The following MAPRE2 variants were observed in gnomAD, a reference collection of about 807,000 sequenced individuals.
MAPRE2 encodes the protein microtubule-associated protein RP/EB family member 2.
A neutral mutation model predicts 43.2 loss-of-function variants in MAPRE2; 13 were observed. The observed-to-expected ratio is 0.30, with a 90% confidence interval of 0.20 to 0.48. The LOEUF is 0.48. MAPRE2 is among the 20% of genes least tolerant of loss of function. MAPRE2 has a pLI of 0.99. For synonymous variants in MAPRE2, 135 were observed against 148.8 expected, an observed-to-expected ratio of 0.91 and a Z score of 0.68; for missense variants, 161 against 400.2, an observed-to-expected ratio of 0.40 and a Z score of 5.10.
chr18:34,978,733 T>C (rs1196983593), intron 1 of MAPRE2, among the ~76,000 whole-genome samples: 2 of 152,088 alleles, frequency 1.3e-5, no homozygotes, highest in African/African-American at 4.8e-5. Flanking sequence ...AGATAAGAGG[T>C]CCGGGAGCTC....
intron 4 of MAPRE2, among the ~76,000 whole-genome samples, chr18:35,115,179 A>G (rs1285732557): frequency 1.3e-5 from 2 of 152,122 alleles, no homozygotes; most frequent in Non-Finnish European, 2.9e-5. Context: ...TCCTCATATA[A>G]TTATTGAGTT....
upstream of MAPRE2, chr18:35,041,358 A>C: frequency 6.9e-7 from 1 of 1,447,674 alleles, no homozygotes; most frequent in East Asian, 2.5e-5. Context: ...CGGCGCTCTG[A>C]CGTCAGCTGC....
rs58169728 is a variant in MAPRE2, at chr18:34,997,274, C to A, written c.-69-8218C>A. 2.6e-3 allele frequency among the ~76,000 whole-genome samples: 396 copies of A among 152,222 alleles called. 2 individuals are homozygous for A. The highest frequency in any genetic ancestry group is 9.3e-3 in the African/African-American group (387 of 41,538). On this transcript the variant is annotated intron_variant, in intron 1 of 7. Coordinates refer to the MAPRE2 transcript ENST00000413393. ...GCCTCCAAAGGTTAAACTTTATGGA[C>A]AAAATCTTATTCCATAGCATTTAGG...
At chr18:35,070,473 T>A in intron 2 of MAPRE2, 151 bp downstream of exon 2, 1 of 571,118 alleles carries the variant, frequency 1.8e-6, no homozygotes, top group Non-Finnish European at 2.8e-6. Flanking sequence ...CAGATATAAC[T>A]AAAGGACGTA....
chr18:35,131,102 G>A (rs1910123888), intron 5 of MAPRE2, among the ~76,000 whole-genome samples: 2 of 152,202 alleles, frequency 1.3e-5, no homozygotes, highest in Admixed American at 1.3e-4. Context: ...ACTCAGCCAG[G>A]CTTTGGGTCT....
intron 4 of MAPRE2, among the ~76,000 whole-genome samples, chr18:35,117,420 G>A (rs996690085): frequency 1.3e-5 from 2 of 152,214 alleles, no homozygotes; most frequent in Non-Finnish European, 2.9e-5. Context: ...TGGTCAACAG[G>A]GGTTCTGACT....
chr18:35,119,661 G>T (rs192180659), intron 4 of MAPRE2, among the ~76,000 whole-genome samples: 74 of 152,322 alleles, frequency 4.9e-4, no homozygotes, highest in African/African-American at 1.7e-3. Flanking sequence ...ATGCCTTGGA[G>T]CCCATTGGTG....
chr18:35,027,579 C>T (rs1449811662), intron 2 of MAPRE2, among the ~76,000 whole-genome samples: 1 of 152,152 alleles, frequency 6.6e-6, no homozygotes, highest in Non-Finnish European at 1.5e-5. Context: ...TGACAACCAC[C>T]TAGCCAAGCC....
At position 35,034,538 on chromosome 18, in the gene MAPRE2, G is replaced by C. The variant is rs572454700; in HGVS notation, c.-8+28985G>C. On this transcript the variant is annotated intron_variant, in intron 2 of 7. Transcript: ENST00000413393. ...AATCTAATTAAACTAAAGAGCTTCT[G>C]CACAGCAAAAGAAACTAGCATCAGA... Among the ~76,000 whole-genome samples, 61 of 152,010 alleles carry C rather than the reference G, an allele frequency of 4.0e-4. 1 individual carries two copies. Among genetic ancestry groups the C allele is most frequent in the Middle Eastern group, 3.4e-3 (1 of 294 alleles).
chr18:35,098,600 A>G (rs774588979), intron 3 of MAPRE2, among the ~76,000 whole-genome samples: 19 of 152,172 alleles, frequency 1.2e-4, no homozygotes, highest in Non-Finnish European at 1.2e-4. Context: ...ATTATTTCCA[A>G]CTTTATGTCC....
intron 2 of MAPRE2, among the ~76,000 whole-genome samples, chr18:35,072,504 G>A (rs1218787748): frequency 6.6e-6 from 1 of 152,142 alleles, no homozygotes; most frequent in Non-Finnish European, 1.5e-5. Context: ...AAATGTTAAA[G>A]GAAACCATGA....
At chr18:35,084,131 C>T (rs759848560) in intron 2 of MAPRE2, among the ~76,000 whole-genome samples, 8 of 151,878 alleles carry the variant, frequency 5.3e-5, no homozygotes, top group African/African-American at 7.3e-5. Context: ...AAAATTAGTC[C>T]GGTGTGGTGG....
chr18:35,062,495 C>T (rs536519784), intron 1 of MAPRE2, among the ~76,000 whole-genome samples: 11 of 152,352 alleles, frequency 7.2e-5, no homozygotes, highest in South Asian at 2.1e-4. Context: ...TAATGCACCT[C>T]ACTTTACCTG....
At chr18:35,008,817 T>G (rs1243929935) in intron 2 of MAPRE2, among the ~76,000 whole-genome samples, 1 of 152,150 alleles carries the variant, frequency 6.6e-6, no homozygotes, top group Non-Finnish European at 1.5e-5. Context: ...TCCCAGAGAT[T>G]TGGAATAATT....
At chr18:35,037,902 A>C (rs1227483844), upstream of MAPRE2, among the ~76,000 whole-genome samples, 1 of 152,174 alleles carries the variant, frequency 6.6e-6, no homozygotes, top group East Asian at 1.9e-4. Flanking sequence ...ATAGGAGCAC[A>C]ACAGGGTTGG....
At chr18:35,131,705 G>A (rs953929856) in intron 5 of MAPRE2, among the ~76,000 whole-genome samples, 1 of 152,160 alleles carries the variant, frequency 6.6e-6, no homozygotes, top group Non-Finnish European at 1.5e-5. Context: ...GAAGTTAGAG[G>A]AAAGATGTGT....
intron 1 of MAPRE2, among the ~76,000 whole-genome samples, chr18:35,049,372 A>G (rs1444395071): frequency 6.6e-6 from 1 of 152,190 alleles, no homozygotes; most frequent in Non-Finnish European, 1.5e-5. Context: ...AAGTGTTTTC[A>G]GGTTCTAATA....
intron 1 of MAPRE2, among the ~76,000 whole-genome samples, chr18:35,063,013 T>C (rs539369382): frequency 1.3e-5 from 2 of 152,272 alleles, no homozygotes; most frequent in South Asian, 4.1e-4. Context: ...AGAAAGACAG[T>C]CACACATATC....
chr18:35,100,726 C>G (rs565154383), intron 3 of MAPRE2, among the ~76,000 whole-genome samples: 1 of 152,248 alleles, frequency 6.6e-6, no homozygotes, highest in East Asian at 1.9e-4. Flanking sequence ...CACAACTGGG[C>G]TACATATTAC....
Sources: gnomAD v4.1 joint callset for allele counts (sites outside exome capture counted in the v4.1 genomes callset) on GRCh38, gnomAD v4.1.1 for gene constraint, MANE v1.5 for transcripts, NCBI Gene and HGNC (gene_info 2026-07-23, HGNC 2026-07-21) for gene names.